The following CELSR1 variants were observed in gnomAD, a reference collection of about 807,000 sequenced individuals.
CELSR1 encodes adhesion G protein-coupled receptor C1.
CELSR1 carries 110 observed loss-of-function variants against 249.1 expected under a neutral mutation model. The observed-to-expected ratio is 0.44, with a 90% confidence interval of 0.38 to 0.52. The LOEUF (loss-of-function observed/expected upper bound fraction) is 0.52. Ranked by LOEUF, CELSR1 falls within the 20% of genes least tolerant of loss-of-function variation. The pLI is 0.00. For missense variants in CELSR1, 4,109 were observed against 4,296.4 expected (o/e 0.96, Z 1.22); for synonymous variants, 2,113 against 1,900.0 (o/e 1.11, Z -2.92).
chr22:46,403,505 C>G (rs893163337), intron 9 of CELSR1, among the ~76,000 whole-genome samples: 1 of 151,666 alleles, frequency 6.6e-6, no homozygotes, highest in African/African-American at 2.4e-5. Context: ...TGCAGTGAGA[C>G]GAGATCAAGC....
rs1383988204 is a variant in CELSR1 at position 46,396,689 on chromosome 22, C to G, written c.5759G>C (p.Gly1920Ala). 2.5e-6 allele frequency: 4 copies of G among 1,612,924 alleles called. No individual in the cohort carries two copies. The highest frequency in any genetic ancestry group is 3.4e-6 in the Non-Finnish European group (4 of 1,179,642). ...ACHLNPCENM[G>A]ACVRSPGSPQ... ...GGAGCCGGGGGAGCGCACGCAGGCC[C>G]CCATGTTCTCGCAGGGGTTCAGGTG... Residue 1920 changes from glycine to alanine, a missense_variant, in exon 13 of 35, where the codon GGG (glycine) becomes GCG (alanine). By Grantham distance (60) the Gly-to-Ala change is moderately conservative. Coordinates refer to ENST00000674500, the MANE Select transcript of CELSR1 (RefSeq NM_001378328.1). The surrounding 1 kb of genome is among the most constrained non-coding windows in gnomAD (Gnocchi z 6.4).
At position 46,440,076 on chromosome 22, in the gene CELSR1, CTT is replaced by C. The variant is rs1206235795; in HGVS notation, c.4184-667_4184-666del. 2.0e-5 allele frequency among the ~76,000 whole-genome samples: 3 copies of C among 152,150 alleles called. No homozygotes were observed. The highest frequency in any genetic ancestry group is 4.8e-5 in the African/African-American group (2 of 41,434). ...TGATGTCCTTCCTAGAGTTTAAACT[CTT>C]TTGTGACAGGAAGGTTCTGGAAGCT... On this transcript the variant is annotated intron_variant, in intron 2 of 34. Transcript: ENST00000674500. The surrounding 1 kb of genome is among the most constrained non-coding windows in gnomAD (Gnocchi z 4.7).
At chr22:46,514,760 C>T (rs1460765473) in intron 1 of CELSR1, among the ~76,000 whole-genome samples, 1 of 152,094 alleles carries the variant, frequency 6.6e-6, no homozygotes, top group Non-Finnish European at 1.5e-5. Flanking sequence ...AATGAATTGC[C>T]CAGCCCTGTC....
intron 14 of CELSR1, 64 bp downstream of exon 14, chr22:46,394,077 TA>T: frequency 6.4e-7 from 1 of 1,573,446 alleles, no homozygotes; most frequent in African/African-American, 1.3e-5. Flanking sequence ...TGTGTGTATT[TA>T]GGGGCAGCTG....
In CELSR1 at chr22:46,390,711, G is replaced by A. The variant is rs991305883; in HGVS notation, c.6251-225C>T. Among the ~76,000 whole-genome samples, 1 of 152,178 alleles carries A rather than the reference G, an allele frequency of 6.6e-6. No individual in the cohort carries two copies. The highest frequency in any genetic ancestry group is 6.5e-5 in the Admixed American group (1 of 15,278). On this transcript the variant is annotated intron_variant, in intron 16 of 34. Coordinates refer to ENST00000674500, the MANE Select transcript of CELSR1 (RefSeq NM_001378328.1). The surrounding 1 kb of genome is among the most constrained non-coding windows in gnomAD (Gnocchi z 6.3). The stretch of plus-strand genomic sequence containing the variant: ...GGCGTTTCGGGAGCCCAGCCAACAG[G>A]AGCCAGCACTTCCGAGCAAGTCCGT...
rs368331702 is a variant in CELSR1 at position 46,364,233 on chromosome 22, A to C, written c.8798T>G (p.Val2933Gly). Residue 2933 changes from valine (V) to glycine (G), a missense_variant, in exon 34 of 35, where the codon GTC (valine) becomes GGC (glycine). By Grantham distance (109) the Val-to-Gly change is moderately radical. Coordinates refer to ENST00000674500, the MANE Select transcript of CELSR1 (RefSeq NM_001378328.1). ...EQRKGILKNK[V>G]TYPPPLTLTE... ...CAGCGTCAGCGGCGGCGGGTAGGTG[A>C]CTTTATTTTTCAAGATGCCTGGGAG... 6 of 1,608,892 alleles carry C rather than the reference A, an allele frequency of 3.7e-6. No homozygotes were observed. In the African/African-American group the frequency reaches 6.7e-5, roughly 18 times the overall value.
At chr22:46,531,626 C>T (rs78767240) in intron 1 of CELSR1, among the ~76,000 whole-genome samples, 3 of 152,308 alleles carry the variant, frequency 2.0e-5, no homozygotes, top group South Asian at 2.1e-4. Context: ...TTCTGCGGAT[C>T]GTGGTTTAAC....
intron 1 of CELSR1, among the ~76,000 whole-genome samples, chr22:46,483,984 A>G (rs1380799155): frequency 6.6e-6 from 1 of 152,238 alleles, no homozygotes; most frequent in Non-Finnish European, 1.5e-5. Flanking sequence ...CAACAGGCTC[A>G]GAAGCCACAT....
intron 32 of CELSR1, 112 bp from the exon 33 acceptor site, chr22:46,364,848 G>A (rs1158856191): frequency 1.0e-5 from 11 of 1,103,790 alleles, no homozygotes; most frequent in African/African-American, 1.6e-5. Flanking sequence ...TGCAGGCCTG[G>A]TAGGGCTGAA....
chr22:46,365,190 G>A, intron 32 of CELSR1, 41 bp downstream of exon 32: 1 of 1,595,290 alleles, frequency 6.3e-7, no homozygotes, highest in Non-Finnish European at 8.5e-7. Flanking sequence ...CGAGCCCGCT[G>A]TCCACAGCCC....
intron 1 of CELSR1, chr22:46,481,784 C>CTT (rs112110956): frequency 6.3e-4 from 177 of 278,904 alleles, no homozygotes; most frequent in South Asian, 1.7e-3. Context: ...TTTTCTAAAT[C>CTT]TTTTTTTTTT....
chr22:46,502,475 G>A (rs1473908812), intron 1 of CELSR1, among the ~76,000 whole-genome samples: 2 of 150,196 alleles, frequency 1.3e-5, no homozygotes, highest in East Asian at 2.0e-4. Flanking sequence ...GGAAAGGGGA[G>A]GGAAGGGGAA....
At chr22:46,498,618 A>G (rs2080438072) in intron 1 of CELSR1, among the ~76,000 whole-genome samples, 1 of 151,780 alleles carries the variant, frequency 6.6e-6, no homozygotes, top group Non-Finnish European at 1.5e-5. Context: ...TCTCAAAAAA[A>G]AAAAAAAGAA....
Position 46,374,091 on chromosome 22 carries a change from A to G in CELSR1, c.7585-1034T>C, listed in dbSNP as rs368982927. The stretch of plus-strand genomic sequence containing the variant: ...GAACAGAGCAGGAACCGAAGCAGGG[A>G]ACGCAGGCTCAAGTTATGCCAGAGA... On this transcript the variant is annotated intron_variant, in intron 24 of 34. Transcript: ENST00000674500. This position sits in a 1 kb window ranked among gnomAD's most constrained non-coding sequence, Gnocchi z 4.3. Among the ~76,000 whole-genome samples, 1 of 152,348 alleles carries G rather than the reference A, an allele frequency of 6.6e-6. No homozygotes were observed. The highest frequency in any genetic ancestry group is 2.4e-5 in the African/African-American group (1 of 41,586).
Position 46,412,572 on chromosome 22 carries a change from A to T in CELSR1, c.4612-813T>A, listed in dbSNP as rs1379932887. On this transcript the variant is annotated intron_variant, in intron 5 of 34. Transcript: ENST00000674500. This position sits in a 1 kb window ranked among gnomAD's most constrained non-coding sequence, Gnocchi z 4.5. Reference sequence around the variant, plus strand: ...TCTGGAATCAGTGACCTTGGGTGAAACCTTTCCCTTCTCCAAGAGACTGTG... The same window carrying T: ...TCTGGAATCAGTGACCTTGGGTGAATCCTTTCCCTTCTCCAAGAGACTGTG... 6.6e-6 allele frequency among the ~76,000 whole-genome samples: 1 copy of T among 151,880 alleles called. No individual in the cohort carries two copies. The highest frequency in any genetic ancestry group is 1.5e-5 in the Non-Finnish European group (1 of 67,966).
In CELSR1 at chr22:46,526,788, C is replaced by A. The variant is rs138036010; in HGVS notation, c.3544+6839G>T. Among the ~76,000 whole-genome samples the A allele has an allele frequency of 4.7e-3, 721 of 152,334 alleles. 3 individuals are homozygous for A. Among genetic ancestry groups the A allele is most frequent in the African/African-American group, 0.017 (699 of 41,570 alleles). Reference sequence around the variant, plus strand: ...CTGGGTCCCCTCCTAACTGCCAGCACCCTCACTTCTGTGTCCATAACCTGA... The same window carrying A: ...CTGGGTCCCCTCCTAACTGCCAGCAACCTCACTTCTGTGTCCATAACCTGA... On this transcript the variant is annotated intron_variant, in intron 1 of 34. Coordinates refer to ENST00000674500, the MANE Select transcript of CELSR1 (RefSeq NM_001378328.1). This position sits in a 1 kb window ranked among gnomAD's most constrained non-coding sequence, Gnocchi z 4.7.
chr22:46,421,538 C>T (rs1009521307), intron 5 of CELSR1, among the ~76,000 whole-genome samples: 22 of 152,172 alleles, frequency 1.4e-4, no homozygotes, highest in African/African-American at 4.3e-4. Context: ...TGTTTGGGAA[C>T]GGAAACCAAG....
chr22:46,389,152 T>G, intron 18 of CELSR1, 138 bp downstream of exon 18: 3 of 964,554 alleles, frequency 3.1e-6, no homozygotes, highest in East Asian at 2.5e-5. Context: ...AGGGCTCACA[T>G]TTGAGAAATG....
At position 46,468,931 on chromosome 22, in the gene CELSR1, T is replaced by C. The variant is rs1044938630; in HGVS notation, c.3545-4586A>G. Among the ~76,000 whole-genome samples, 6 of 151,836 alleles carry C rather than the reference T, an allele frequency of 4.0e-5. No homozygotes were observed. Among genetic ancestry groups the C allele is most frequent in the Admixed American group, 1.3e-4 (2 of 15,244 alleles). On this transcript the variant is annotated intron_variant, in intron 1 of 34. Transcript: ENST00000674500. The surrounding 1 kb of genome is among the most constrained non-coding windows in gnomAD (Gnocchi z 4.5). ...CTCTACTAAAAATACAAAAAGCTAG[T>C]TGGGCGTGGTGGCACGTGCCTGTAG... is the stretch of plus-strand genomic sequence containing the variant.
Sources: allele counts gnomAD v4.1 joint callset (sites outside exome capture counted in the v4.1 genomes callset), GRCh38; gene constraint gnomAD v4.1.1; non-coding constraint Gnocchi (gnomAD v3.1); transcripts MANE v1.5; gene names NCBI Gene and HGNC (gene_info 2026-07-23, HGNC 2026-07-21).